Variants in FHIT observed in about 807,000 individuals in gnomAD.
FHIT encodes fragile histidine triad diadenosine triphosphatase, also known as bis(5'-adenosyl)-triphosphatase.
Under a neutral mutation model 17.9 loss-of-function variants are expected in FHIT, and 19 were observed. That is an observed-to-expected ratio of 1.06 (90% CI 0.74 to 1.56). FHIT has a LOEUF of 1.56. FHIT is among the 40% of genes most tolerant of loss of function. FHIT has a pLI of 0.00. For synonymous variants in FHIT, 81 were observed against 69.7 expected, an observed-to-expected ratio of 1.16 and a Z score of -0.81; for missense variants, 248 against 189.2, an observed-to-expected ratio of 1.31 and a Z score of -1.82.
intron 5 of FHIT, among the ~76,000 whole-genome samples, chr3:60,207,941 G>A (rs373022495): frequency 1.3e-5 from 2 of 152,270 alleles, no homozygotes; most frequent in East Asian, 3.9e-4. Context: ...AAATTTTACA[G>A]CTCAGGAAGG....
intron 5 of FHIT, among the ~76,000 whole-genome samples, chr3:60,442,048 T>G (rs949948731): frequency 2.0e-5 from 3 of 151,082 alleles, no homozygotes; most frequent in African/African-American, 7.3e-5. Flanking sequence ...ATTGTAGAAA[T>G]GGGATCTCAC....
At chr3:60,259,320 G>A (rs1461813302) in intron 5 of FHIT, among the ~76,000 whole-genome samples, 2 of 152,126 alleles carry the variant, frequency 1.3e-5, no homozygotes, top group Non-Finnish European at 2.9e-5. Context: ...CATAGCAGAT[G>A]AGCGGCTGGG....
At chr3:60,751,610 G>A (rs1476015813) in intron 4 of FHIT, among the ~76,000 whole-genome samples, 3 of 152,144 alleles carry the variant, frequency 2.0e-5, no homozygotes, top group African/African-American at 7.2e-5. Flanking sequence ...GGTTGAGAAA[G>A]CTTTATACTA....
chr3:61,033,867 A>G (rs1246771818), intron 3 of FHIT, among the ~76,000 whole-genome samples: 4 of 152,242 alleles, frequency 2.6e-5, no homozygotes, highest in Non-Finnish European at 5.9e-5. Flanking sequence ...AAGATGGGTC[A>G]GTGGCTGGGC....
chr3:60,528,431 AAGGAAAAAAGGAAGG>A (rs2107581270), intron 5 of FHIT, among the ~76,000 whole-genome samples: 2 of 129,920 alleles, frequency 1.5e-5, no homozygotes, highest in Admixed American at 1.6e-4. Flanking sequence ...GAAAGGAAGG[AAGGAAAAAAGGAAGG>A]AAGGAAGGAA....
chr3:60,781,806 C>G (rs1159099505), intron 4 of FHIT, among the ~76,000 whole-genome samples: 1 of 152,142 alleles, frequency 6.6e-6, no homozygotes, highest in Non-Finnish European at 1.5e-5. Context: ...ACTTGTATCA[C>G]TTTGTTCAGA....
At chr3:60,980,252 AT>A in intron 3 of FHIT, among the ~76,000 whole-genome samples, 1 of 152,252 alleles carries the variant, frequency 6.6e-6, no homozygotes, top group Non-Finnish European at 1.5e-5. Flanking sequence ...GATAAAAAAA[AT>A]AAACACAACA....
chr3:60,431,050 A>G (rs1702875111), intron 5 of FHIT, among the ~76,000 whole-genome samples: 2 of 152,002 alleles, frequency 1.3e-5, no homozygotes, highest in Admixed American at 1.3e-4. Flanking sequence ...TGTCTCTACT[A>G]AAAATACAAA....
intron 4 of FHIT, among the ~76,000 whole-genome samples, chr3:60,634,600 G>C (rs1373423855): frequency 2.0e-5 from 3 of 152,066 alleles, no homozygotes; most frequent in African/African-American, 7.2e-5. Context: ...CTGGGGTAAC[G>C]GCACCAGCAT....
At chr3:60,124,907 G>T (rs1257214265) in intron 5 of FHIT, among the ~76,000 whole-genome samples, 8 of 152,060 alleles carry the variant, frequency 5.3e-5, no homozygotes, top group Non-Finnish European at 8.8e-5. Context: ...CACACAACTA[G>T]CCCCTGAGGA....
chr3:60,668,318 G>T (rs1553692968), intron 4 of FHIT, among the ~76,000 whole-genome samples: 1 of 146,056 alleles, frequency 6.8e-6, no homozygotes, highest in Admixed American at 7.1e-5. Flanking sequence ...AATCTCTTTG[G>T]CTGGTAGCGT....
chr3:60,425,498 T>C (rs1469845256), intron 5 of FHIT, among the ~76,000 whole-genome samples: 1 of 152,008 alleles, frequency 6.6e-6, no homozygotes, highest in African/African-American at 2.4e-5. Flanking sequence ...ACAATTTAAC[T>C]ATATAGCCAA....
At chr3:60,955,635 C>CATATATATACAT (rs1553778580) in intron 3 of FHIT, among the ~76,000 whole-genome samples, 2 of 48,344 alleles carry the variant, frequency 4.1e-5, no homozygotes, top group Non-Finnish European at 8.8e-5. Flanking sequence ...TATATATATA[C>CATATATATACAT]ACACACACAC....
chr3:60,995,668 G>A lies in FHIT; in HGVS notation c.-111+46379C>T, dbSNP rs9841737. ...TGACATAAACCAAGGTGCTACTCCG[G>A]CTATTATCCATTGCCCGCTTTAGGT... On this transcript the variant is annotated intron_variant, in intron 3 of 9. Transcript: ENST00000492590. 2.6e-3 allele frequency among the ~76,000 whole-genome samples: 394 copies of A among 152,276 alleles called. 2 individuals are homozygous for A. The highest frequency in any genetic ancestry group is 0.024 in the Middle Eastern group (7 of 294).
chr3:60,576,627 TA>T (rs1553657705), intron 4 of FHIT, among the ~76,000 whole-genome samples: 1 of 152,082 alleles, frequency 6.6e-6, no homozygotes, highest in Non-Finnish European at 1.5e-5. Context: ...GAGTGAAGCA[TA>T]AATGAAAAGT....
chr3:60,055,975 T>A lies in FHIT; in HGVS notation c.104-41823A>T, dbSNP rs565338720. ...TGTCCAGACACGTGAAATACCAGCT[T>A]TAAGTTGTGGAAGTGCTTCAGGCAC... On this transcript the variant is annotated intron_variant, in intron 5 of 9. Coordinates refer to ENST00000492590, the MANE Select transcript of FHIT (RefSeq NM_002012.4). Among the ~76,000 whole-genome samples the A allele has an allele frequency of 2.6e-5, 4 of 152,320 alleles. No homozygotes were observed. The South Asian group carries it at 8.3e-4, about 32-fold the overall frequency.
intron 4 of FHIT, among the ~76,000 whole-genome samples, chr3:60,759,936 T>C (rs1997582): frequency 0.56 from 84,245 of 151,676 alleles, 23,697 homozygotes; most frequent in South Asian, 0.62. Flanking sequence ...CCTTCCTTCC[T>C]GCTTTCCTTT....
At chr3:60,246,545 G>A (rs1467629632) in intron 5 of FHIT, among the ~76,000 whole-genome samples, 2 of 152,122 alleles carry the variant, frequency 1.3e-5, no homozygotes, top group African/African-American at 2.4e-5. Context: ...CACAAGGTGA[G>A]TATTAGCCAC....
At position 61,187,883 on chromosome 3, in the gene FHIT, T is replaced by C. The variant is rs188429871; in HGVS notation, c.-164+12734A>G. 2.7e-3 allele frequency among the ~76,000 whole-genome samples: 407 copies of C among 152,194 alleles called. 2 individuals are homozygous for C. The highest frequency in any genetic ancestry group is 9.3e-3 in the African/African-American group (388 of 41,514). On this transcript the variant is annotated intron_variant, in intron 2 of 9. Coordinates refer to ENST00000492590, the MANE Select transcript of FHIT (RefSeq NM_002012.4). Reference sequence around the variant, plus strand: ...AAATAAAGATGTTCTTTGAAACCAATGAGAACAAAGACACAACATACCAGA... The same window carrying C: ...AAATAAAGATGTTCTTTGAAACCAACGAGAACAAAGACACAACATACCAGA...
Sources: gnomAD v4.1 joint callset for allele counts (sites outside exome capture counted in the v4.1 genomes callset) on GRCh38, gnomAD v4.1.1 for gene constraint, MANE v1.5 for transcripts, NCBI Gene and HGNC (gene_info 2026-07-23, HGNC 2026-07-21) for gene names.